Variants in PRKCA observed in about 807,000 individuals in gnomAD.
PRKCA encodes the protein protein kinase C alpha type.
A neutral mutation model predicts 87.0 loss-of-function variants in PRKCA; 27 were observed. The ratio of observed to expected loss-of-function variants is 0.31; its 90% confidence interval spans 0.23 to 0.43. The LOEUF is 0.43. Among genes scored for constraint, PRKCA ranks in the 20% least tolerant of loss-of-function variants. The pLI is 1.00. For synonymous variants in PRKCA, 329 were observed against 311.1 expected (o/e 1.06, Z -0.61); for missense variants, 518 against 852.3 (o/e 0.61, Z 4.88).
intron 13 of PRKCA, among the ~76,000 whole-genome samples, chr17:66,756,400 G>C (rs2144279679): frequency 6.6e-6 from 1 of 152,066 alleles, no homozygotes; most frequent in South Asian, 2.1e-4. Flanking sequence ...ACAGGCACAG[G>C]CTCCCCACAA....
At chr17:66,584,733 C>G (rs139754722) in intron 3 of PRKCA, among the ~76,000 whole-genome samples, 1 of 152,282 alleles carries the variant, frequency 6.6e-6, no homozygotes, top group East Asian at 1.9e-4. Flanking sequence ...ACACGGCCTT[C>G]TTCCCTTTGG....
At position 66,804,100 on chromosome 17, in the gene PRKCA, C is replaced by T; in HGVS notation, c.*63C>T. On this transcript the variant is annotated 3_prime_UTR_variant, in exon 17 of 17. Coordinates refer to ENST00000413366, the MANE Select transcript of PRKCA (RefSeq NM_002737.3). ...GCCCTCCCCGCAGTGGGAAGTGAAT[C>T]CTTAACCCTAAAATTTTAAGGCCAC... The T allele has an allele frequency of 6.5e-7, 1 of 1,546,606 alleles. No homozygotes were observed. Among genetic ancestry groups the T allele is most frequent in the Non-Finnish European group, 8.7e-7 (1 of 1,144,998 alleles).
At chr17:66,419,346 C>A (rs1366378743) in intron 2 of PRKCA, among the ~76,000 whole-genome samples, 1 of 152,138 alleles carries the variant, frequency 6.6e-6, no homozygotes, top group Non-Finnish European at 1.5e-5. Context: ...CCCTTTAATA[C>A]ATGTACATTT....
chr17:66,588,380 A>G (rs533525797), intron 3 of PRKCA, among the ~76,000 whole-genome samples: 1 of 152,100 alleles, frequency 6.6e-6, no homozygotes, highest in East Asian at 1.9e-4. Flanking sequence ...CTGGATACTA[A>G]TTTTTTGTTG....
chr17:66,584,562 T>C (rs542948282), intron 3 of PRKCA, among the ~76,000 whole-genome samples: 1 of 152,190 alleles, frequency 6.6e-6, no homozygotes, highest in Non-Finnish European at 1.5e-5. Flanking sequence ...ATTTATTATA[T>C]TACAGTTCAG....
At chr17:66,346,000 A>G (rs1036487349) in intron 2 of PRKCA, among the ~76,000 whole-genome samples, 2 of 152,148 alleles carry the variant, frequency 1.3e-5, no homozygotes, top group African/African-American at 4.8e-5. Context: ...AGTGTTGCTG[A>G]TATTTCTAGC....
At chr17:66,572,011 G>A (rs1448117110) in intron 3 of PRKCA, among the ~76,000 whole-genome samples, 1 of 152,208 alleles carries the variant, frequency 6.6e-6, no homozygotes, top group Non-Finnish European at 1.5e-5. Flanking sequence ...TAATTGGGAT[G>A]CTGTCTGTTC....
Position 66,786,050 on chromosome 17 carries a change from G to A in PRKCA, c.1606-817G>A, listed in dbSNP as rs7211902. 8.4e-3 allele frequency among the ~76,000 whole-genome samples: 1,283 copies of A among 152,216 alleles called. 13 individuals are homozygous for A. The highest frequency in any genetic ancestry group is 0.029 in the African/African-American group (1,225 of 41,530). On this transcript the variant is annotated intron_variant, in intron 14 of 16. Transcript: ENST00000413366. ...TCACCATGTTAGCCAGGATGGTCTC[G>A]ATCACCTGCCCTTGTGATCCGCCCG... is the stretch of plus-strand genomic sequence containing the variant.
rs533383779 is a variant in PRKCA at position 66,662,327 on chromosome 17, C to G, written c.529+16816C>G. Among the ~76,000 whole-genome samples the G allele has an allele frequency of 2.0e-4, 31 of 152,294 alleles. No homozygotes were observed. The South Asian group carries it at 6.4e-3, about 32-fold the overall frequency. ...CTCATCCTGTGCACAGACCTTGACT[C>G]ATGGGCTCTACAACATTGGCTGTCT... is the stretch of plus-strand genomic sequence containing the variant. On this transcript the variant is annotated intron_variant, in intron 5 of 16. Coordinates refer to ENST00000413366, the MANE Select transcript of PRKCA (RefSeq NM_002737.3).
chr17:66,442,065 TC>T (rs202164734), intron 2 of PRKCA, among the ~76,000 whole-genome samples: 35 of 93,834 alleles, frequency 3.7e-4, no homozygotes, highest in South Asian at 6.3e-4. Flanking sequence ...AGTCTCTCTC[TC>T]TTTTTTTTTT....
At chr17:66,544,742 G>A (rs1185581847) in intron 3 of PRKCA, among the ~76,000 whole-genome samples, 4 of 151,990 alleles carry the variant, frequency 2.6e-5, no homozygotes, top group East Asian at 1.9e-4. Context: ...ACAGGCATGC[G>A]CCACCATGCC....
In PRKCA at chr17:66,426,616, A is replaced by G. The variant is rs139946653; in HGVS notation, c.206-69585A>G. ...AGAGCCATTCCTCTTCCTGTGCTGC[A>G]AGAACCCCCGTTTTGTTCAACTGTC... is the stretch of plus-strand genomic sequence containing the variant. On this transcript the variant is annotated intron_variant, in intron 2 of 16. Transcript: ENST00000413366. 2.6e-5 allele frequency among the ~76,000 whole-genome samples: 4 copies of G among 152,278 alleles called. No individual in the cohort carries two copies. The East Asian group carries it at 7.7e-4, about 29-fold the overall frequency.
rs1466904820 is a variant in PRKCA, at chr17:66,591,582, T to C, written c.289-49773T>C. Among the ~76,000 whole-genome samples the C allele has an allele frequency of 2.0e-5, 3 of 152,236 alleles. No homozygotes were observed. The East Asian group carries it at 5.8e-4, about 29-fold the overall frequency. On this transcript the variant is annotated intron_variant, in intron 3 of 16. Transcript: ENST00000413366. ...TTAAGATAGTTTTCATTCATTGTTC[T>C]GGTACTTCCTAAATAGTTTCTTCCC... is the stretch of plus-strand genomic sequence containing the variant.
chr17:66,676,300 C>T (rs978840690), intron 5 of PRKCA: 2 of 152,414 alleles, frequency 1.3e-5, no homozygotes, highest in African/African-American at 4.8e-5. Context: ...AGGGTTTTTT[C>T]CCTTTTTCTA....
intron 3 of PRKCA, among the ~76,000 whole-genome samples, chr17:66,550,101 C>T (rs949455392): frequency 6.6e-6 from 1 of 152,154 alleles, no homozygotes; most frequent in African/African-American, 2.4e-5. Flanking sequence ...GTGTCTCACA[C>T]ACACGCAGAC....
At chr17:66,744,218 C>T (rs55974110) in intron 13 of PRKCA, among the ~76,000 whole-genome samples, 6,024 of 152,144 alleles carry the variant, frequency 0.04, 409 homozygotes, top group African/African-American at 0.14. Context: ...GGGATTTTCC[C>T]CCAAAAGAAC....
At chr17:66,345,095 T>C (rs768216504) in intron 2 of PRKCA, among the ~76,000 whole-genome samples, 1 of 152,190 alleles carries the variant, frequency 6.6e-6, no homozygotes, top group Non-Finnish European at 1.5e-5. Flanking sequence ...TTTTGCAAAC[T>C]AAATACCCTT....
chr17:66,475,869 T>C (rs989188784), intron 2 of PRKCA, among the ~76,000 whole-genome samples: 3 of 152,102 alleles, frequency 2.0e-5, no homozygotes, highest in African/African-American at 7.2e-5. Context: ...CCTTTTTAAA[T>C]ACTATTATAC....
intron 2 of PRKCA, among the ~76,000 whole-genome samples, chr17:66,344,319 T>C (rs542194622): frequency 3.9e-5 from 6 of 152,318 alleles, no homozygotes; most frequent in African/African-American, 1.2e-4. Flanking sequence ...CTTGGCTTTA[T>C]TTTTATGTTT....
Sources: allele counts gnomAD v4.1 joint callset (sites outside exome capture counted in the v4.1 genomes callset), GRCh38; gene constraint gnomAD v4.1.1; transcripts MANE v1.5; gene names NCBI Gene and HGNC (gene_info 2026-07-23, HGNC 2026-07-21).